The following SHISAL1 variants were observed in gnomAD, a reference collection of about 807,000 sequenced individuals.
SHISAL1 encodes the protein protein shisa-like-1.
In SHISAL1, 9 loss-of-function variants were observed where a neutral mutation model predicts 22.6. The observed-to-expected ratio is 0.40, with a 90% CI of 0.24 to 0.70. The LOEUF is 0.70. Among genes scored for constraint, SHISAL1 ranks in the 30% least tolerant of loss-of-function variants. The probability of loss-of-function intolerance (pLI) is 0.39; values close to 1 mark genes in which losing one functional copy is unlikely to be tolerated. For synonymous variants in SHISAL1, 119 were observed against 115.4 expected (o/e 1.03, Z -0.20); for missense variants, 246 against 270.6 (o/e 0.91, Z 0.64).
At chr22:44,329,491 CT>C in the SHISAL1 span, among the ~76,000 whole-genome samples, 1 of 152,174 alleles carries the variant, frequency 6.6e-6, no homozygotes, top group Non-Finnish European at 1.5e-5. Context: ...AACTGCTCCC[CT>C]CACCCCTCTT....
intron 1 of SHISAL1, among the ~76,000 whole-genome samples, chr22:44,306,891 G>C (rs1299256687): frequency 5.4e-5 from 8 of 147,130 alleles, no homozygotes; most frequent in Admixed American, 2.0e-4. Context: ...TCGGGGAGGT[G>C]TGATGATGAT....
chr22:44,271,638 G>GAC (rs1569213385), intron 4 of SHISAL1, among the ~76,000 whole-genome samples: 3 of 152,126 alleles, frequency 2.0e-5, no homozygotes, highest in African/African-American at 7.2e-5. Flanking sequence ...GGTCCTCCCT[G>GAC]ACCCATGTCG....
chr22:44,273,024 A>C (rs1328531712), intron 4 of SHISAL1, among the ~76,000 whole-genome samples: 1 of 151,502 alleles, frequency 6.6e-6, no homozygotes, highest in Non-Finnish European at 1.5e-5. Context: ...TGAACCCCAG[A>C]GGCGGAGGTT....
chr22:44,322,346 GA>G, the SHISAL1 span, among the ~76,000 whole-genome samples: 4 of 152,214 alleles, frequency 2.6e-5, no homozygotes, highest in Non-Finnish European at 4.4e-5. Flanking sequence ...TTCTGCCCAT[GA>G]GTTGGAGGTG....
Position 44,263,546 on chromosome 22 carries a change from C to T in SHISAL1, c.*-13861G>A, listed in dbSNP as rs577459037. On this transcript the variant is annotated intron_variant, in intron 4 of 4. Transcript: ENST00000381176. ...AACAAGGAGAAAGAGACTCTGCTGACGCGATGGAGTTGAGGGTTTTGGGAG... is the reference window on the plus strand; with the variant it reads ...AACAAGGAGAAAGAGACTCTGCTGATGCGATGGAGTTGAGGGTTTTGGGAG... Among the ~76,000 whole-genome samples the T allele has an allele frequency of 7.9e-5, 12 of 152,296 alleles. No homozygotes were observed. In the South Asian group the frequency reaches 1.2e-3, roughly 16 times the overall value.
At chr22:44,288,376 C>T (rs927031154) in intron 3 of SHISAL1, among the ~76,000 whole-genome samples, 2 of 152,188 alleles carry the variant, frequency 1.3e-5, no homozygotes, top group African/African-American at 4.8e-5. Context: ...GTGGCTCATG[C>T]CTGTAATCCC....
intron 4 of SHISAL1, among the ~76,000 whole-genome samples, chr22:44,284,897 G>GCCTGCCTCCCTGCCTTCCTT (rs570595554): frequency 3.7e-5 from 5 of 134,504 alleles, no homozygotes; most frequent in Admixed American, 1.5e-4. Flanking sequence ...CTGCCTTCCT[G>GCCTGCCTCCCTGCCTTCCTT]CCTTCCTTCC....
chr22:44,309,109 C>T (rs2055499568), intron 1 of SHISAL1, among the ~76,000 whole-genome samples: 1 of 152,198 alleles, frequency 6.6e-6, no homozygotes. Context: ...CCACAAGCAG[C>T]CCCAGTTACC....
At chr22:44,272,028 C>T (rs1318572752) in intron 4 of SHISAL1, among the ~76,000 whole-genome samples, 1 of 152,212 alleles carries the variant, frequency 6.6e-6, no homozygotes, top group African/African-American at 2.4e-5. Context: ...AGATTCCAAA[C>T]TGGCTGGGTG....
the SHISAL1 span, among the ~76,000 whole-genome samples, chr22:44,328,515 C>T: frequency 2.6e-5 from 4 of 151,752 alleles, no homozygotes; most frequent in South Asian, 2.1e-4. Flanking sequence ...GTACTGTGGA[C>T]ACAGACAGCT....
chr22:44,323,547 TCCATCCATCCATCCA>T, the SHISAL1 span, among the ~76,000 whole-genome samples: 7 of 135,214 alleles, frequency 5.2e-5, no homozygotes, highest in East Asian at 1.1e-3. Context: ...CACCCATTCA[TCCATCCATCCATCCA>T]CCATCCATCC....
chr22:44,322,125 T>C, the SHISAL1 span, among the ~76,000 whole-genome samples: 36 of 152,294 alleles, frequency 2.4e-4, no homozygotes, highest in East Asian at 3.9e-3. Context: ...CTTTGCAACA[T>C]AGTGGCTGCG....
intron 4 of SHISAL1, among the ~76,000 whole-genome samples, chr22:44,279,273 T>C (rs2055260668): frequency 1.3e-5 from 2 of 152,198 alleles, no homozygotes; most frequent in African/African-American, 2.4e-5. Flanking sequence ...CCCAGTTTCC[T>C]GGTCTAGCTG....
chr22:44,255,856 C>A (rs1429298664), intron 4 of SHISAL1, among the ~76,000 whole-genome samples: 4 of 152,204 alleles, frequency 2.6e-5, no homozygotes, highest in Admixed American at 6.5e-5. Flanking sequence ...TTGTATCAAC[C>A]TGACTGGGCC....
chr22:44,329,833 G>A, the SHISAL1 span, among the ~76,000 whole-genome samples: 17 of 152,206 alleles, frequency 1.1e-4, no homozygotes, highest in Non-Finnish European at 8.8e-5. Context: ...AAGGTTATTT[G>A]AATTCTGCTT....
intron 4 of SHISAL1, among the ~76,000 whole-genome samples, chr22:44,280,277 G>T (rs979199073): frequency 1.2e-4 from 18 of 152,126 alleles, no homozygotes; most frequent in African/African-American, 4.3e-4. Context: ...TGAGATAGGT[G>T]AGGCCCAGGT....
At chr22:44,318,801 G>A in the SHISAL1 span, among the ~76,000 whole-genome samples, 2 of 152,228 alleles carry the variant, frequency 1.3e-5, no homozygotes, top group Non-Finnish European at 1.5e-5. Context: ...AGTGAGTAAG[G>A]GCTGTTCATG....
At chr22:44,267,509 A>C (rs2055172632) in intron 4 of SHISAL1, among the ~76,000 whole-genome samples, 1 of 151,340 alleles carries the variant, frequency 6.6e-6, no homozygotes, top group Non-Finnish European at 1.5e-5. Flanking sequence ...ACATGGCTGC[A>C]GCTCGTGGGA....
intron 2 of SHISAL1, among the ~76,000 whole-genome samples, 182 bp downstream of exon 2, chr22:44,300,693 GAGAC>G (rs552219579): frequency 2.9e-4 from 44 of 152,294 alleles, no homozygotes; most frequent in Non-Finnish European, 3.4e-4. Context: ...CAGAGAGACA[GAGAC>G]AGACAGAGAC....
Sources: allele counts gnomAD v4.1 joint callset (sites outside exome capture counted in the v4.1 genomes callset), GRCh38; gene constraint gnomAD v4.1.1; transcripts MANE v1.5; gene names NCBI Gene and HGNC (gene_info 2026-07-23, HGNC 2026-07-21).